ST7: variants seen among roughly 807,000 people sequenced by gnomAD.
The protein encoded by ST7 is suppressor of tumorigenicity 7 protein.
Under a neutral mutation model 78.7 loss-of-function variants are expected in ST7, and 28 were observed. The observed-to-expected ratio is 0.36, with a 90% CI of 0.26 to 0.49. The LOEUF is 0.49. Among genes scored for constraint, ST7 ranks in the 20% least tolerant of loss-of-function variants. The pLI, the probability that ST7 is intolerant of heterozygous loss-of-function variation, is 0.99. For missense variants in ST7, 418 were observed against 696.0 expected (o/e 0.60, Z 4.49); for synonymous variants, 247 against 249.6 (o/e 0.99, Z 0.10).
At chr7:116,964,973 C>A (rs998755691) in intron 1 of ST7, among the ~76,000 whole-genome samples, 1 of 152,174 alleles carries the variant, frequency 6.6e-6, no homozygotes, top group East Asian at 1.9e-4. Flanking sequence ...AGAGGGAAAG[C>A]ACAGAAGTCA....
At chr7:117,141,783 C>A (rs1488811261) in intron 9 of ST7, among the ~76,000 whole-genome samples, 1 of 152,128 alleles carries the variant, frequency 6.6e-6, no homozygotes, top group Non-Finnish European at 1.5e-5. Flanking sequence ...TGTTTCCCCA[C>A]CTCAGCCTCC....
chr7:117,020,385 T>C (rs1795827774), intron 1 of ST7: 1 of 519,938 alleles, frequency 1.9e-6, no homozygotes, highest in Non-Finnish European at 3.3e-6. Context: ...TTTGGTGCTG[T>C]TAAGAGACCT....
intron 1 of ST7, among the ~76,000 whole-genome samples, chr7:117,078,427 A>G (rs1182162284): frequency 6.6e-6 from 1 of 152,366 alleles, no homozygotes; most frequent in East Asian, 1.9e-4. Context: ...ACAGATGAAT[A>G]GCATGTATTT....
At chr7:116,993,011 A>T (rs1462321913) in intron 1 of ST7, among the ~76,000 whole-genome samples, 1 of 152,090 alleles carries the variant, frequency 6.6e-6, no homozygotes, top group African/African-American at 2.4e-5. Flanking sequence ...CTCAGTCTGG[A>T]CTTTATTGTC....
intron 3 of ST7, among the ~76,000 whole-genome samples, chr7:117,122,273 A>G (rs1243667527): frequency 6.6e-6 from 1 of 152,244 alleles, no homozygotes; most frequent in Non-Finnish European, 1.5e-5. Context: ...CAAGTAGCTC[A>G]TGCTGTGCTA....
rs1202170940 is a variant in ST7 at position 117,219,935 on chromosome 7, T to A, written c.1498+759T>A. ...TATCAAATCATACTATGTACAAGGA[T>A]CATGTCAGGCTCTTCATGTGGCCCA... is the stretch of plus-strand genomic sequence containing the variant. On this transcript the variant is annotated intron_variant, in intron 14 of 15. Transcript: ENST00000323984. The surrounding 1 kb of genome is among the most constrained non-coding windows in gnomAD (Gnocchi z 5.1). 1.3e-5 allele frequency among the ~76,000 whole-genome samples: 2 copies of A among 152,216 alleles called. No individual in the cohort carries two copies. The highest frequency in any genetic ancestry group is 4.8e-5 in the African/African-American group (2 of 41,462).
intron 1 of ST7, among the ~76,000 whole-genome samples, chr7:117,079,411 C>A (rs1799587919): frequency 6.6e-6 from 1 of 152,130 alleles, no homozygotes. Flanking sequence ...GTGATTGTAG[C>A]AAACTGTAAA....
Position 117,025,121 on chromosome 7 carries a change from G to A in ST7, c.151+71430G>A. ...CAGACATCTCTTTGATAAAAAAAAA[G>A]TGAGTTGTAGTCTTTTATGTGCATC... On this transcript the variant is annotated intron_variant, in intron 1 of 15. Coordinates refer to ENST00000323984, the MANE Select transcript of ST7 (RefSeq NM_001369598.1). Among the ~76,000 whole-genome samples, 2 of 152,110 alleles carry A rather than the reference G, an allele frequency of 1.3e-5. 1 individual carries two copies. Among genetic ancestry groups the A allele is most frequent in the Non-Finnish European group, 2.9e-5 (2 of 67,972 alleles).
intron 3 of ST7, among the ~76,000 whole-genome samples, chr7:117,122,650 T>A (rs1037623683): frequency 6.6e-6 from 1 of 152,198 alleles, no homozygotes; most frequent in African/African-American, 2.4e-5. Flanking sequence ...CAAATAGTTA[T>A]CCTTAGAAAA....
At chr7:117,111,737 C>T (rs1161162497) in intron 2 of ST7, among the ~76,000 whole-genome samples, 32 of 152,328 alleles carry the variant, frequency 2.1e-4, no homozygotes, top group Admixed American at 2.1e-3. Context: ...ACAAGAACTG[C>T]ACCTGTCATC....
intron 1 of ST7, among the ~76,000 whole-genome samples, chr7:116,963,682 G>T (rs1271647861): frequency 2.7e-5 from 4 of 149,956 alleles, no homozygotes; most frequent in Non-Finnish European, 5.9e-5. Context: ...GAGTGCACTG[G>T]AGTTCAGTGG....
intron 10 of ST7, among the ~76,000 whole-genome samples, chr7:117,181,413 C>A (rs1479252718): frequency 2.0e-5 from 3 of 152,162 alleles, no homozygotes; most frequent in African/African-American, 7.2e-5. Flanking sequence ...TTCAGTTCTG[C>A]CACTCATTTG....
At chr7:116,959,878 C>T (rs1015825789) in intron 1 of ST7, 1 of 152,268 alleles carries the variant, frequency 6.6e-6, no homozygotes, top group African/African-American at 2.4e-5. Context: ...CATTAAGTTT[C>T]CTTCTAGCTC....
intron 1 of ST7, among the ~76,000 whole-genome samples, chr7:117,021,704 T>C (rs186083227): frequency 2.3e-4 from 35 of 152,342 alleles, no homozygotes; most frequent in African/African-American, 8.2e-4. Context: ...TTAAAAAGGT[T>C]AATTACTTTT....
At chr7:117,202,922 A>G (rs1211174503) in intron 12 of ST7, among the ~76,000 whole-genome samples, 1 of 152,208 alleles carries the variant, frequency 6.6e-6, no homozygotes, top group Non-Finnish European at 1.5e-5. Flanking sequence ...CACATATACC[A>G]AAATCTGCAC....
chr7:117,190,993 G>A lies in ST7; in HGVS notation c.1254+57G>A. On this transcript the variant is annotated intron_variant, in intron 12 of 15. Coordinates refer to ENST00000323984, the MANE Select transcript of ST7 (RefSeq NM_001369598.1). This position sits in a 1 kb window ranked among gnomAD's most constrained non-coding sequence, Gnocchi z 5.2. ...TATGATAGCAGAGAAAGCATTCATT[G>A]ACCACAGTGTTGTATCTCAAGTACA... is the stretch of plus-strand genomic sequence containing the variant. 7.3e-7 allele frequency: 1 copy of A among 1,371,912 alleles called. No homozygotes were observed. Among genetic ancestry groups the A allele is most frequent in the South Asian group, 1.2e-5 (1 of 85,582 alleles). The allele number at this position is 1,371,912 out of a possible 1,614,324, so 85.0% of individuals were successfully genotyped here.
At chr7:117,089,712 C>T (rs929875117) in intron 1 of ST7, among the ~76,000 whole-genome samples, 11 of 151,882 alleles carry the variant, frequency 7.2e-5, no homozygotes, top group Non-Finnish European at 1.6e-4. Flanking sequence ...GCTGGGACTA[C>T]AGGCACCCAC....
intron 1 of ST7, among the ~76,000 whole-genome samples, chr7:117,091,525 T>A (rs1800613605): frequency 6.6e-6 from 1 of 152,178 alleles, no homozygotes; most frequent in Non-Finnish European, 1.5e-5. Flanking sequence ...CATGCCAGCA[T>A]GTGAAATAGC....
rs772278439 is a variant in ST7 at position 117,219,089 on chromosome 7, C to T, written c.1411C>T (p.Arg471Trp). ...LLHCTWEGTF[R>W]MIPYPLEKGH... ...ATATTTTTTCTCGTTTTCAGCTTTT[C>T]GGATGATCCCTTATCCCTTGGAAAA... The change falls in exon 14 of 16, where the codon CGG (arginine) becomes TGG (tryptophan). Residue 471 changes from arginine (R) to tryptophan (W), a missense_variant. This residue lies in a region of ST7 where 288 missense variants were observed against 537.1 expected (regional missense o/e 0.54). Coordinates refer to ENST00000323984, the MANE Select transcript of ST7 (RefSeq NM_001369598.1). This position sits in a 1 kb window ranked among gnomAD's most constrained non-coding sequence, Gnocchi z 5.1. 8.7e-6 allele frequency: 14 copies of T among 1,610,262 alleles called. No individual in the cohort carries two copies. Among genetic ancestry groups the T allele is most frequent in the Non-Finnish European group, 1.2e-5 (14 of 1,178,706 alleles).
Sources: allele counts gnomAD v4.1 joint callset (sites outside exome capture counted in the v4.1 genomes callset), GRCh38; gene constraint gnomAD v4.1.1; regional missense constraint gnomAD v4.1.1; non-coding constraint Gnocchi (gnomAD v3.1); transcripts MANE v1.5; gene names NCBI Gene and HGNC (gene_info 2026-07-23, HGNC 2026-07-21).